Variants in HDAC5 observed in about 807,000 individuals in gnomAD.
HDAC5 encodes the protein histone deacetylase 5.
In HDAC5, 25 loss-of-function variants were observed where a neutral mutation model predicts 133.3. The ratio of observed to expected loss-of-function variants is 0.19; its 90% CI spans 0.14 to 0.26. The LOEUF is 0.26. HDAC5 is among the 10% of genes least tolerant of loss of function. HDAC5 has a pLI of 1.00. For synonymous variants in HDAC5, 589 were observed against 610.8 expected (o/e 0.96, Z 0.53); for missense variants, 1,041 against 1,460.5 (o/e 0.71, Z 4.68).
intron 1 of HDAC5, among the ~76,000 whole-genome samples, chr17:44,122,809 G>C (rs761239459): frequency 2.6e-5 from 4 of 152,094 alleles, no homozygotes; most frequent in Non-Finnish European, 5.9e-5. Flanking sequence ...GAAAAATGGG[G>C]GGCATCCACC....
At chr17:44,105,625 T>G (rs929754037) in intron 3 of HDAC5, among the ~76,000 whole-genome samples, 1 of 152,208 alleles carries the variant, frequency 6.6e-6, no homozygotes, top group East Asian at 1.9e-4. Context: ...ACCTGGCTGC[T>G]TGCCATAATC....
intron 2 of HDAC5, among the ~76,000 whole-genome samples, chr17:44,116,969 A>G (rs528403501): frequency 1.3e-5 from 2 of 152,210 alleles, no homozygotes; most frequent in African/African-American, 4.8e-5. Flanking sequence ...TCCTCTACAC[A>G]CGTCACCCCA....
At chr17:44,084,091 C>T (rs1311824635) in intron 16 of HDAC5, among the ~76,000 whole-genome samples, 1 of 151,746 alleles carries the variant, frequency 6.6e-6, no homozygotes, top group Non-Finnish European at 1.5e-5. Context: ...CACCACTGTA[C>T]TCCAGCCTGG....
intron 3 of HDAC5, among the ~76,000 whole-genome samples, chr17:44,104,578 G>A (rs2051818621): frequency 6.6e-6 from 1 of 152,182 alleles, no homozygotes; most frequent in Non-Finnish European, 1.5e-5. Flanking sequence ...AGGAATCTCT[G>A]AGAGCAGCTT....
chr17:44,080,445 A>G lies in HDAC5; in HGVS notation c.2781T>C (p.Gly927=). The G allele has an allele frequency of 6.2e-7, 1 of 1,613,724 alleles. No individual in the cohort carries two copies. The highest frequency in any genetic ancestry group is 8.5e-7 in the Non-Finnish European group (1 of 1,179,928). ...CCACGTCTCCAATGGGGGGGTCCAC[A>G]CCTCCTGTCCATGCCACGTTCACAT... is the stretch of plus-strand genomic sequence containing the variant. ...GYNVNVAWTG[G]VDPPIGDVEY... is the part of the protein sequence containing the mutation. The change falls in exon 22 of 27, where the codon GGT becomes GGC. Residue 927 remains glycine (G), a synonymous_variant. Coordinates refer to ENST00000682912, the MANE Select transcript of HDAC5 (RefSeq NM_005474.5).
At chr17:44,097,779 G>A (rs1294119026) in intron 3 of HDAC5, among the ~76,000 whole-genome samples, 1 of 152,278 alleles carries the variant, frequency 6.6e-6, no homozygotes, top group Admixed American at 6.5e-5. Context: ...GCTCCCAGCA[G>A]ATAACCCTGC....
intron 3 of HDAC5, among the ~76,000 whole-genome samples, chr17:44,106,668 G>A (rs1013869256): frequency 1.3e-5 from 2 of 149,964 alleles, no homozygotes; most frequent in Non-Finnish European, 1.5e-5. Context: ...TCGACTCACC[G>A]CAACCTCTGC....
chr17:44,078,973 A>G, intron 24 of HDAC5, 94 bp from the exon 25 acceptor site: 2 of 1,515,768 alleles, frequency 1.3e-6, no homozygotes, highest in Non-Finnish European at 1.8e-6. Context: ...TATCCCTCAC[A>G]ACAGGGGCAA....
chr17:44,084,640 G>C lies in HDAC5; in HGVS notation c.2220C>G (p.Ile740Met). 1 of 1,614,108 alleles carries C rather than the reference G, an allele frequency of 6.2e-7. No homozygotes were observed. The highest frequency in any genetic ancestry group is 8.5e-7 in the Non-Finnish European group (1 of 1,179,972). The change falls in exon 16 of 27, where the codon ATC becomes ATG. Residue 740 changes from isoleucine to methionine, a missense_variant. Physicochemically the swap from Ile to Met is conservative, Grantham distance 10. Transcript: ENST00000682912. ...TGTGGTATTCAGAGTGCACTGTCTGGATCTCATCTAGCGTGGCTTTGCGAC... is the reference window on the plus strand; with the variant it reads ...TGTGGTATTCAGAGTGCACTGTCTGCATCTCATCTAGCGTGGCTTTGCGAC... ...IRGRKATLDEIQTVHSEYHTL... is the reference protein window; with the variant it reads ...IRGRKATLDEMQTVHSEYHTL...
chr17:44,084,517 C>T, intron 16 of HDAC5, 38 bp downstream of exon 16: 1 of 1,611,256 alleles, frequency 6.2e-7, no homozygotes, highest in South Asian at 1.1e-5. Flanking sequence ...CACCCTGACA[C>T]TGAACATGCC....
intron 11 of HDAC5, among the ~76,000 whole-genome samples, chr17:44,089,963 C>A (rs957553925): frequency 1.4e-5 from 2 of 141,348 alleles, no homozygotes. Context: ...ATGAGCATGG[C>A]GGCTCACACC....
intron 2 of HDAC5, chr17:44,115,906 G>A (rs971126721): frequency 2.0e-5 from 3 of 152,210 alleles, no homozygotes; most frequent in Admixed American, 6.5e-5. Flanking sequence ...AGCCTCCTGC[G>A]TTGGTGGACA....
intron 4 of HDAC5, 22 bp downstream of exon 4, chr17:44,093,553 C>A (rs891022450): frequency 6.3e-7 from 1 of 1,598,362 alleles, no homozygotes; most frequent in Middle Eastern, 1.7e-4. Flanking sequence ...TCTGGGCGGC[C>A]CCCCGCACCC....
At chr17:44,110,941 C>A (rs922079668) in intron 2 of HDAC5, 141 bp from the exon 3 acceptor site, 27 of 700,800 alleles carry the variant, frequency 3.9e-5, no homozygotes, top group Non-Finnish European at 5.5e-5. Flanking sequence ...GGGCAGCCCG[C>A]ACAGCACAGG....
intron 3 of HDAC5, among the ~76,000 whole-genome samples, chr17:44,094,685 T>G (rs2051149107): frequency 6.6e-6 from 1 of 151,992 alleles, no homozygotes; most frequent in Non-Finnish European, 1.5e-5. Context: ...CCTGACAGAT[T>G]GTGACTACTC....
chr17:44,085,013 C>T lies in HDAC5; in HGVS notation c.2184+9G>A, dbSNP rs770890634. On this transcript the variant is annotated intron_variant, in intron 15 of 26. Transcript: ENST00000682912. ...AGTTGAGAGCCAGAAGAAGGAGGGGCTCCCTTACCTCGCACTTGCTAAGCA... is the reference window on the plus strand; with the variant it reads ...AGTTGAGAGCCAGAAGAAGGAGGGGTTCCCTTACCTCGCACTTGCTAAGCA... 14 of 1,574,732 alleles carry T rather than the reference C, an allele frequency of 8.9e-6. No homozygotes were observed. The highest frequency in any genetic ancestry group is 1.2e-5 in the Non-Finnish European group (14 of 1,151,382).
In HDAC5 at chr17:44,117,942, C is replaced by T. The variant is rs1036598555; in HGVS notation, c.-189-238G>A. Among the ~76,000 whole-genome samples, 1 of 152,172 alleles carries T rather than the reference C, an allele frequency of 6.6e-6. No homozygotes were observed. Among genetic ancestry groups the T allele is most frequent in the African/African-American group, 2.4e-5 (1 of 41,442 alleles). ...GCTATGGTGGCCAAACCCAACAGAC[C>T]CCTTTTCAGGTGAGTGTCTACTGCC... is the stretch of plus-strand genomic sequence containing the variant. On this transcript the variant is annotated intron_variant, in intron 1 of 26. Transcript: ENST00000682912. This position sits in a 1 kb window ranked among gnomAD's most constrained non-coding sequence, Gnocchi z 4.2.
At position 44,092,382 on chromosome 17, in the gene HDAC5, C is replaced by G; in HGVS notation, c.918G>C (p.Gly306=). Residue 306 remains glycine, a splice_region_variant and synonymous_variant, in exon 8 of 27, where the codon GGG becomes GGC. Coordinates refer to ENST00000682912, the MANE Select transcript of HDAC5 (RefSeq NM_005474.5). ...CAGGTACATGAGAGCAGCCCTTACC[C>G]CCAGGCCCGGCACCTGTGATCTCAA... is the stretch of plus-strand genomic sequence containing the variant. ...RAVEITGAGP[G]ASSVCNSAPG... The G allele has an allele frequency of 6.2e-7, 1 of 1,612,360 alleles. No homozygotes were observed.
intron 3 of HDAC5, among the ~76,000 whole-genome samples, chr17:44,100,303 C>T (rs2051511170): frequency 6.6e-6 from 1 of 152,080 alleles, no homozygotes; most frequent in South Asian, 2.1e-4. Flanking sequence ...GTGACAAGAA[C>T]CCCGGCCAGC....
Sources: gnomAD v4.1 joint callset for allele counts (sites outside exome capture counted in the v4.1 genomes callset) on GRCh38, gnomAD v4.1.1 for gene constraint, Gnocchi (gnomAD v3.1) non-coding constraint, MANE v1.5 for transcripts, NCBI Gene and HGNC (gene_info 2026-07-23, HGNC 2026-07-21) for gene names.